The following SLC8A1 variants were observed in gnomAD, a reference collection of about 807,000 sequenced individuals.
SLC8A1 encodes the protein solute carrier family 8 member A1, also known as sodium/calcium exchanger 1.
Under a neutral mutation model 68.3 loss-of-function variants are expected in SLC8A1, and 18 were observed. That is an observed-to-expected ratio of 0.26 (90% CI 0.18 to 0.39). The LOEUF is 0.39. Ranked by LOEUF, SLC8A1 falls within the 10% of genes least tolerant of loss-of-function variation. SLC8A1 has a pLI of 1.00. For missense variants in SLC8A1, 985 were observed against 1,156.7 expected (o/e 0.85, Z 2.15); for synonymous variants, 475 against 415.5 (o/e 1.14, Z -1.74).
At chr2:40,269,733 G>C (rs149134584) in intron 2 of SLC8A1, among the ~76,000 whole-genome samples, 1 of 152,002 alleles carries the variant, frequency 6.6e-6, no homozygotes. Flanking sequence ...ATTTCACCTT[G>C]TTACTCCCCA....
intron 2 of SLC8A1, among the ~76,000 whole-genome samples, chr2:40,234,353 T>C (rs1389232598): frequency 1.3e-5 from 2 of 151,928 alleles, no homozygotes; most frequent in Non-Finnish European, 2.9e-5. Flanking sequence ...TTTATTCTCT[T>C]TGAAGCAATT....
At chr2:40,282,276 G>A (rs1408657609) in intron 2 of SLC8A1, among the ~76,000 whole-genome samples, 1 of 152,030 alleles carries the variant, frequency 6.6e-6, no homozygotes, top group African/African-American at 2.4e-5. Flanking sequence ...TTTCTGATCT[G>A]GAATAAAATC....
At chr2:40,279,339 T>C (rs542432250) in intron 2 of SLC8A1, among the ~76,000 whole-genome samples, 13 of 152,304 alleles carry the variant, frequency 8.5e-5, no homozygotes, top group African/African-American at 2.9e-4. Context: ...TAATCTATAA[T>C]ACAGATTTTT....
intron 2 of SLC8A1, among the ~76,000 whole-genome samples, chr2:40,241,811 A>G (rs1180179846): frequency 6.6e-6 from 1 of 152,218 alleles, no homozygotes; most frequent in South Asian, 2.1e-4. Flanking sequence ...CTTTTTCACC[A>G]TAAGCATTGC....
intron 5 of SLC8A1, among the ~76,000 whole-genome samples, chr2:40,162,407 G>T (rs1488813311): frequency 6.6e-6 from 1 of 152,242 alleles, no homozygotes; most frequent in African/African-American, 2.4e-5. Flanking sequence ...GAGGCACTCT[G>T]TGCTGAATCC....
At chr2:40,461,604 T>C (rs1703345128) in intron 1 of SLC8A1, among the ~76,000 whole-genome samples, 1 of 152,212 alleles carries the variant, frequency 6.6e-6, no homozygotes, top group Non-Finnish European at 1.5e-5. Flanking sequence ...GGATGGATTT[T>C]ATAAAGAGCC....
chr2:40,179,282 T>C (rs1157423375), intron 2 of SLC8A1, among the ~76,000 whole-genome samples: 3 of 152,262 alleles, frequency 2.0e-5, no homozygotes, highest in Admixed American at 2.0e-4. Context: ...CTATGAAACA[T>C]GCCATTTACA....
At chr2:40,141,102 T>G (rs1400090309) in intron 6 of SLC8A1, among the ~76,000 whole-genome samples, 1 of 152,180 alleles carries the variant, frequency 6.6e-6, no homozygotes, top group Admixed American at 6.5e-5. Context: ...CATTCCAACC[T>G]TGTCATCAGG....
Position 40,209,740 on chromosome 2 carries a change from G to A in SLC8A1, c.1809-31885C>T, listed in dbSNP as rs138110332. 1.3e-3 allele frequency among the ~76,000 whole-genome samples: 204 copies of A among 152,206 alleles called. 1 individual carries two copies. The highest frequency in any genetic ancestry group is 4.8e-3 in the African/African-American group (198 of 41,526). On this transcript the variant is annotated intron_variant, in intron 2 of 7. Transcript: ENST00000406785. The stretch of plus-strand genomic sequence containing the variant: ...GGTAGATGTGGTCATGGGAGTCTGC[G>A]GAGAGTCTCTTCTGATTGCTTCTAT...
At chr2:40,468,638 C>T (rs1310363379) in intron 1 of SLC8A1, among the ~76,000 whole-genome samples, 1 of 151,924 alleles carries the variant, frequency 6.6e-6, no homozygotes, top group Non-Finnish European at 1.5e-5. Context: ...CCTTTTTTAT[C>T]ATAGTAAATT....
rs2060399636 is a variant in SLC8A1, at chr2:40,236,539, CTT to C, written c.1809-58686_1809-58685del. ...TCCTGAATACAGCACACTGATGGGT[CTT>C]GACTCTTTATCCAATTTGCCAGTCT... is the stretch of plus-strand genomic sequence containing the variant. On this transcript the variant is annotated intron_variant, in intron 2 of 7. Transcript: ENST00000406785. Among the ~76,000 whole-genome samples, 8 of 150,358 alleles carry C rather than the reference CTT, an allele frequency of 5.3e-5. No individual in the cohort carries two copies. The South Asian group carries it at 1.7e-3, about 31-fold the overall frequency.
intron 7 of SLC8A1, among the ~76,000 whole-genome samples, chr2:40,122,675 C>T (rs1334329716): frequency 1.3e-5 from 2 of 152,148 alleles, no homozygotes; most frequent in African/African-American, 4.8e-5. Flanking sequence ...GCAGATTGAG[C>T]TCCACTAACT....
intron 1 of SLC8A1, among the ~76,000 whole-genome samples, chr2:40,470,899 A>C (rs1286360840): frequency 2.0e-5 from 3 of 152,206 alleles, no homozygotes; most frequent in African/African-American, 7.2e-5. Flanking sequence ...GAAATAAAAA[A>C]AGATCCTTGT....
intron 2 of SLC8A1, among the ~76,000 whole-genome samples, chr2:40,399,780 T>A (rs1688120602): frequency 6.6e-6 from 1 of 152,102 alleles, no homozygotes; most frequent in African/African-American, 2.4e-5. Context: ...CCACCATCTT[T>A]CTAAATTCCT....
intron 2 of SLC8A1, among the ~76,000 whole-genome samples, chr2:40,243,003 C>A (rs442586): frequency 6.6e-6 from 1 of 152,002 alleles, no homozygotes; most frequent in Non-Finnish European, 1.5e-5. Flanking sequence ...GTAGTTCTGC[C>A]AAATCATTCA....
rs576938513 is a variant in SLC8A1 at position 40,151,145 on chromosome 2, G to GATAA, written c.2161+9616_2161+9619dup. Among the ~76,000 whole-genome samples the GATAA allele has an allele frequency of 3.7e-4, 57 of 152,242 alleles. No homozygotes were observed. The East Asian group carries it at 0.01, about 28-fold the overall frequency. ...TGCATGTCCAATTTGCAAATACACA[G>GATAA]ATAAATATATCTTATGTGTACAAAT... is the stretch of plus-strand genomic sequence containing the variant. On this transcript the variant is annotated intron_variant, in intron 6 of 7. Transcript: ENST00000406785.
At chr2:40,307,155 A>C (rs1205778987) in intron 2 of SLC8A1, among the ~76,000 whole-genome samples, 1 of 151,258 alleles carries the variant, frequency 6.6e-6, no homozygotes. Flanking sequence ...ATACACACAC[A>C]CACACACACA....
Position 40,154,299 on chromosome 2 carries a change from C to CT in SLC8A1, c.2161+6465dup, listed in dbSNP as rs57350879. On this transcript the variant is annotated intron_variant, in intron 6 of 7. Transcript: ENST00000406785. ...AATTTTTAATTTATTTTTATTTATT[C>CT]TTTTTTTTTTTTTTTTTTTTTTGAG... Among the ~76,000 whole-genome samples, 124 of 74,876 alleles carry CT rather than the reference C, an allele frequency of 1.7e-3. 3 individuals are homozygous for CT. The highest frequency in any genetic ancestry group is 4.9e-3 in the African/African-American group (99 of 20,046). 49.1% of individuals were successfully genotyped at this position (74,876 alleles called of 152,430 possible).
chr2:40,152,563 C>A (rs1039486195), intron 6 of SLC8A1, among the ~76,000 whole-genome samples: 2 of 151,768 alleles, frequency 1.3e-5, no homozygotes, highest in African/African-American at 2.4e-5. Flanking sequence ...CACCACTACG[C>A]CTAGCTAATT....
Sources: allele counts gnomAD v4.1 joint callset (sites outside exome capture counted in the v4.1 genomes callset), GRCh38; gene constraint gnomAD v4.1.1; transcripts MANE v1.5; gene names NCBI Gene and HGNC (gene_info 2026-07-23, HGNC 2026-07-21).